Variants in IL12RB1 observed in about 807,000 individuals in gnomAD.
The protein encoded by IL12RB1 is interleukin 12 receptor subunit beta 1.
A neutral mutation model predicts 94.4 loss-of-function variants in IL12RB1; 64 were observed. The ratio of observed to expected loss-of-function variants is 0.68; its 90% CI spans 0.55 to 0.83. The LOEUF (loss-of-function observed/expected upper bound fraction) is 0.83. IL12RB1 is among the 40% of genes least tolerant of loss of function. The probability of loss-of-function intolerance (pLI) is 0.00; values close to 1 mark genes in which losing one functional copy is unlikely to be tolerated. For synonymous variants in IL12RB1, 362 were observed against 355.5 expected, an observed-to-expected ratio of 1.02 and a Z score of -0.21; for missense variants, 814 against 855.6, an observed-to-expected ratio of 0.95 and a Z score of 0.61.
In IL12RB1 at chr19:18,075,886, G is replaced by A. The variant is rs78041096; in HGVS notation, c.581-18C>T. 8.9e-4 allele frequency: 1,435 copies of A among 1,611,746 alleles called. 19 individuals carry two copies. In the African/African-American group the frequency reaches 0.017, roughly 19 times the overall value. ...GCAGGACTCTGGGGAGAGGCAGGTC[G>A]AACATCAGGCCGTAAGAATTGTCCA... On this transcript the variant is annotated intron_variant, in intron 6 of 16. Coordinates refer to ENST00000593993, the MANE Select transcript of IL12RB1 (RefSeq NM_005535.3).
intron 1 of IL12RB1, among the ~76,000 whole-genome samples, chr19:18,085,268 G>A (rs536356018): frequency 6.6e-6 from 1 of 152,074 alleles, no homozygotes; most frequent in Non-Finnish European, 1.5e-5. Flanking sequence ...CAACCTTGAG[G>A]GGGGAAAGAT....
intron 1 of IL12RB1, among the ~76,000 whole-genome samples, chr19:18,095,471 A>G (rs1424560472): frequency 3.3e-5 from 5 of 152,214 alleles, no homozygotes. Flanking sequence ...TATCCAGCAC[A>G]GGAAAATTCA....
At chr19:18,082,698 C>T (rs1457721982) in intron 2 of IL12RB1, among the ~76,000 whole-genome samples, 1 of 152,196 alleles carries the variant, frequency 6.6e-6, no homozygotes, top group Non-Finnish European at 1.5e-5. Flanking sequence ...AGAAGATGCT[C>T]AGTAAATCGT....
chr19:18,076,214 A>G, intron 6 of IL12RB1, 83 bp downstream of exon 6: 1 of 795,890 alleles, frequency 1.3e-6, no homozygotes, highest in Non-Finnish European at 2.3e-6. Context: ...AAAAAAATTC[A>G]GCATTGGACC....
chr19:18,075,557 A>G (rs17887036), intron 7 of IL12RB1, among the ~76,000 whole-genome samples, 192 bp downstream of exon 7: 39,530 of 151,922 alleles, frequency 0.26, 5,695 homozygotes, highest in East Asian at 0.37. Context: ...CACCACGCCC[A>G]GCCCCATTTT....
chr19:18,091,082 C>T (rs781051589), upstream of IL12RB1, among the ~76,000 whole-genome samples: 7 of 152,060 alleles, frequency 4.6e-5, no homozygotes, highest in East Asian at 1.9e-4. Context: ...TGGCTTTCTC[C>T]GAGGGCGGTA....
At chr19:18,075,961 G>A (rs2035443674) in intron 6 of IL12RB1, 93 bp from the exon 7 acceptor site, 1 of 1,275,470 alleles carries the variant, frequency 7.8e-7, no homozygotes, top group Non-Finnish European at 1.1e-6. Flanking sequence ...AGCTCCAACT[G>A]TGTACAGAGC....
upstream of IL12RB1, among the ~76,000 whole-genome samples, chr19:18,087,656 C>T (rs142898642): frequency 1.3e-5 from 2 of 151,784 alleles, no homozygotes; most frequent in Non-Finnish European, 2.9e-5. Flanking sequence ...ACTGGGACTA[C>T]AGGCATGCAC....
At chr19:18,073,636 GGAGA>G (rs1197062250) in intron 7 of IL12RB1, 37 bp from the exon 8 acceptor site, 1 of 1,245,136 alleles carries the variant, frequency 8.0e-7, no homozygotes, top group African/African-American at 1.5e-5. Context: ...CGAATTGGAA[GGAGA>G]GAAAGACTGA....
chr19:18,081,096 T>G, intron 3 of IL12RB1, 95 bp from the exon 4 acceptor site: 1 of 1,066,980 alleles, frequency 9.4e-7, no homozygotes. Context: ...GTTTTTTTGG[T>G]GTTTGTTTGT....
rs1372821604 is a variant in IL12RB1 at position 18,063,859 on chromosome 19, C to T, written c.1618+17G>A. ...TGCATGCTGGGTAAATAACTGGGTC[C>T]TACCCCCTCCACTCACCGATGCTGA... On this transcript the variant is annotated intron_variant, in intron 13 of 16. Transcript: ENST00000593993. The T allele has an allele frequency of 6.2e-7, 1 of 1,611,190 alleles. No homozygotes were observed. Among genetic ancestry groups the T allele is most frequent in the Non-Finnish European group, 8.5e-7 (1 of 1,178,376 alleles).
intron 9 of IL12RB1, among the ~76,000 whole-genome samples, 188 bp downstream of exon 9, chr19:18,071,924 C>G (rs2035079532): frequency 6.6e-6 from 1 of 152,192 alleles, no homozygotes; most frequent in Non-Finnish European, 1.5e-5. Context: ...CTTAGCCTCC[C>G]AAAGTGCTGG....
intron 9 of IL12RB1, chr19:18,071,099 A>G (rs997313629): frequency 3.4e-5 from 9 of 268,616 alleles, no homozygotes; most frequent in East Asian, 1.3e-4. Context: ...TAGGCTGGGC[A>G]TGGTGGCTCA....
At chr19:18,068,969 C>T (rs532407022) in intron 10 of IL12RB1, among the ~76,000 whole-genome samples, 39 of 152,042 alleles carry the variant, frequency 2.6e-4, no homozygotes, top group Admixed American at 2.4e-3. Flanking sequence ...AGGCTGGTCT[C>T]GAACTCCTGA....
chr19:18,086,265 TA>T, intron 1 of IL12RB1, among the ~76,000 whole-genome samples: 1 of 137,248 alleles, frequency 7.3e-6, no homozygotes, highest in South Asian at 2.3e-4. Context: ...AATAAATAAA[TA>T]AATAAGTAAA....
In IL12RB1 at chr19:18,064,134, C is replaced by CTTTTTTT. The variant is rs202141133; in HGVS notation, c.1484-125_1484-124insAAAAAAA. ...CATTTTGCTAAAATCTCTACTCTTT[C>CTTTTTTT]TTTCTTTTTTTTTTTTTTTTTTTGA... On this transcript the variant is annotated intron_variant, in intron 12 of 16. Transcript: ENST00000593993. 1.1e-4 allele frequency: 45 copies of CTTTTTTT among 423,176 alleles called. 2 individuals carry two copies. The highest frequency in any genetic ancestry group is 1.5e-4 in the Non-Finnish European group (36 of 233,586). 26.2% of individuals were successfully genotyped at this position (423,176 alleles called of 1,614,324 possible).
chr19:18,072,377 G>A, intron 8 of IL12RB1, 28 bp from the exon 9 acceptor site: 1 of 1,442,878 alleles, frequency 6.9e-7, no homozygotes, highest in African/African-American at 1.4e-5. Flanking sequence ...GACAGCTTGT[G>A]GGTACCTGAT....
At chr19:18,083,523 C>T (rs373432380) in intron 1 of IL12RB1, 32 bp from the exon 2 acceptor site, 3 of 1,610,698 alleles carry the variant, frequency 1.9e-6, no homozygotes, top group Non-Finnish European at 2.5e-6. Flanking sequence ...AATGACATTC[C>T]TGGCCTTGCA....
intron 10 of IL12RB1, 81 bp from the exon 11 acceptor site, chr19:18,068,607 C>T: frequency 8.6e-7 from 1 of 1,161,030 alleles, no homozygotes; most frequent in Non-Finnish European, 1.3e-6. Flanking sequence ...TGCCATCTGC[C>T]AGGAACCCCC....
Sources: gnomAD v4.1 joint callset for allele counts (sites outside exome capture counted in the v4.1 genomes callset) on GRCh38, gnomAD v4.1.1 for gene constraint, MANE v1.5 for transcripts, NCBI Gene and HGNC (gene_info 2026-07-23, HGNC 2026-07-21) for gene names.